BRSK2: variants seen among roughly 807,000 people sequenced by gnomAD.
BRSK2 encodes the protein serine/threonine-protein kinase BRSK2.
Under a neutral mutation model 83.3 loss-of-function variants are expected in BRSK2, and 19 were observed. The observed-to-expected ratio is 0.23, with a 90% CI of 0.16 to 0.33. The LOEUF is 0.33. BRSK2 is among the 10% of genes least tolerant of loss of function. BRSK2 has a pLI of 1.00. For synonymous variants in BRSK2, 519 were observed against 435.4 expected (o/e 1.19, Z -2.39); for missense variants, 798 against 1,042.3 (o/e 0.77, Z 3.23).
At position 1,462,572 on chromosome 11, in the gene BRSK2, T is replaced by C. The variant is rs1847618210; in HGVS notation, c.*1849T>C. The C allele has an allele frequency of 6.6e-6, 1 of 152,238 alleles. No homozygotes were observed. 9.4% of individuals were successfully genotyped at this position (152,238 alleles called of 1,614,324 possible). ...TCTTGCTTGCCTTCCCCTTTTGTGCTTCGGACACACGCGGACTCCAGCAGG... is the reference window on the plus strand; with the variant it reads ...TCTTGCTTGCCTTCCCCTTTTGTGCCTCGGACACACGCGGACTCCAGCAGG... On this transcript the variant is annotated 3_prime_UTR_variant, in exon 20 of 20. Transcript: ENST00000528841.
At chr11:1,418,356 T>G (rs867661562) in intron 1 of BRSK2, among the ~76,000 whole-genome samples, 43 of 140,494 alleles carry the variant, frequency 3.1e-4, no homozygotes, top group African/African-American at 5.4e-4. Flanking sequence ...GCTTCTGTTG[T>G]CTGTTTCTTC....
intron 4 of BRSK2, among the ~76,000 whole-genome samples, 195 bp downstream of exon 4, chr11:1,441,123 T>A (rs982819977): frequency 2.7e-5 from 1 of 37,434 alleles, no homozygotes; most frequent in Non-Finnish European, 4.8e-5. Context: ...CACTGTCCCC[T>A]CCATTAGCTA....
Position 1,390,645 on chromosome 11 carries a change from G to T in BRSK2, c.91+270G>T, listed in dbSNP as rs1228758087. Among the ~76,000 whole-genome samples, 1 of 147,684 alleles carries T rather than the reference G, an allele frequency of 6.8e-6. No individual in the cohort carries two copies. The highest frequency in any genetic ancestry group is 1.5e-5 in the Non-Finnish European group (1 of 66,358). ...GCAGGCGGACAGGGGCGCACGGGAC[G>T]GCGCCCCTCGGGCCCCGCTGCAGGT... On this transcript the variant is annotated intron_variant, in intron 1 of 19. Transcript: ENST00000528841. The surrounding 1 kb of genome is among the most constrained non-coding windows in gnomAD (Gnocchi z 6.8).
chr11:1,443,609 G>A lies in BRSK2; in HGVS notation c.754G>A (p.Glu252Lys), dbSNP rs1375121848. Residue 252 changes from glutamate to lysine, a missense_variant, in exon 8 of 20, where the codon GAG (glutamate) becomes AAG (lysine). Physicochemically the swap from Glu to Lys is moderately conservative, Grantham distance 56 (BLOSUM62 1). This residue lies in a region of BRSK2 where 145 missense variants were observed against 225.4 expected (regional missense o/e 0.64). Transcript: ENST00000528841. Reference sequence around the variant, plus strand: ...CCAGAGTCTGCTACGGGGCATGATCGAGGTGGACGCCGCACGCCGCCTCAC... The same window carrying A: ...CCAGAGTCTGCTACGGGGCATGATCAAGGTGGACGCCGCACGCCGCCTCAC... ...DCQSLLRGMI[E>K]VDAARRLTLE... is the part of the protein sequence containing the mutation. 5 of 1,605,734 alleles carry A rather than the reference G, an allele frequency of 3.1e-6. No homozygotes were observed. Among genetic ancestry groups the A allele is most frequent in the Non-Finnish European group, 4.3e-6 (5 of 1,176,116 alleles).
chr11:1,419,674 G>A (rs992486200), intron 1 of BRSK2, among the ~76,000 whole-genome samples: 12 of 152,200 alleles, frequency 7.9e-5, no homozygotes, highest in African/African-American at 2.4e-4. Flanking sequence ...ACTTTGGGGG[G>A]CCATGGCGGG....
chr11:1,438,451 G>T lies in BRSK2; in HGVS notation c.272+60G>T. The stretch of plus-strand genomic sequence containing the variant: ...GGAGGTGGCAGCTGTCGCTGCAGGG[G>T]TGGGTGTCTGGGGCTTGGGGAGCAC... On this transcript the variant is annotated intron_variant, in intron 3 of 19. Coordinates refer to ENST00000528841, the MANE Select transcript of BRSK2 (RefSeq NM_001256627.2). The surrounding 1 kb of genome is among the most constrained non-coding windows in gnomAD (Gnocchi z 6.4). The T allele has an allele frequency of 1.3e-6, 2 of 1,514,530 alleles. No individual in the cohort carries two copies. Among genetic ancestry groups the T allele is most frequent in the Non-Finnish European group, 9.2e-7 (1 of 1,092,094 alleles). The allele number at this position is 1,514,530 out of a possible 1,614,324, so 93.8% of individuals were successfully genotyped here. A position where few individuals can be genotyped will look rare whatever the true frequency, so the allele number is the denominator to read the frequency against.
chr11:1,410,526 G>A, intron 1 of BRSK2: 2 of 985,498 alleles, frequency 2.0e-6, no homozygotes, highest in African/African-American at 3.5e-5. Context: ...GTGCTTCAAA[G>A]GCCTCACTGC....
intron 1 of BRSK2, among the ~76,000 whole-genome samples, chr11:1,434,974 G>A (rs1172468472): frequency 6.6e-6 from 1 of 151,866 alleles, no homozygotes; most frequent in Non-Finnish European, 1.5e-5. Flanking sequence ...TGTGAAAAGA[G>A]TGGGGAGAGG....
At chr11:1,451,960 G>C (rs1254804349) in intron 15 of BRSK2, among the ~76,000 whole-genome samples, 4 of 152,060 alleles carry the variant, frequency 2.6e-5, no homozygotes, top group African/African-American at 9.7e-5. Context: ...GATGTCCCCA[G>C]AGAGACCCCT....
At chr11:1,440,647 C>T in intron 3 of BRSK2, 141 bp from the exon 4 acceptor site, 1 of 1,111,664 alleles carries the variant, frequency 9.0e-7, no homozygotes, top group East Asian at 2.9e-5. Context: ...CAGGGCTCCT[C>T]TCAGCTGCCC....
chr11:1,435,052 A>G (rs990191698), intron 1 of BRSK2, among the ~76,000 whole-genome samples: 2 of 151,570 alleles, frequency 1.3e-5, no homozygotes, highest in Non-Finnish European at 2.9e-5. Context: ...GCACATTCCC[A>G]GAGCACCCTG....
chr11:1,439,677 G>A (rs1850883839), intron 3 of BRSK2, among the ~76,000 whole-genome samples: 1 of 151,996 alleles, frequency 6.6e-6, no homozygotes, highest in African/African-American at 2.4e-5. Flanking sequence ...ACACCATGTG[G>A]CCTATGCTGA....
intron 1 of BRSK2, among the ~76,000 whole-genome samples, chr11:1,408,666 G>T (rs1385068674): frequency 6.6e-6 from 1 of 152,200 alleles, no homozygotes; most frequent in Admixed American, 6.5e-5. Flanking sequence ...AACCCTCCCC[G>T]CTGGTCCTTA....
At chr11:1,446,195 C>T (rs138778730) in intron 12 of BRSK2, among the ~76,000 whole-genome samples, 2 of 134,588 alleles carry the variant, frequency 1.5e-5, no homozygotes, top group Admixed American at 1.6e-4. Context: ...CTAGTTTGGG[C>T]TGGGCTAGAC....
Position 1,454,307 on chromosome 11 carries a change from T to C in BRSK2, c.1545-178T>C. On this transcript the variant is annotated intron_variant, in intron 15 of 19. Transcript: ENST00000528841. This position sits in a 1 kb window ranked among gnomAD's most constrained non-coding sequence, Gnocchi z 5.2. ...GAGCCACGGTGATGGTCAGGGCATA[T>C]GGGCTAGGGTTAGGGCGTTGGGGTC... The C allele has an allele frequency of 2.9e-6, 2 of 685,828 alleles. No homozygotes were observed. The highest frequency in any genetic ancestry group is 3.5e-5 in the South Asian group (2 of 56,902). The allele number at this position is 685,828 out of a possible 1,614,324, so 42.5% of individuals were successfully genotyped here.
Position 1,456,633 on chromosome 11 carries a change from A to T in BRSK2, c.1885A>T (p.Ile629Phe). Residue 629 changes from isoleucine to phenylalanine, a missense_variant, in exon 18 of 20, where the codon ATC (isoleucine) becomes TTC (phenylalanine). Transcript: ENST00000528841. Reference protein sequence around the residue: ...SRRFKRVVETIQAQLLSTHDP... With the variant: ...SRRFKRVVETFQAQLLSTHDP... The stretch of plus-strand genomic sequence containing the variant: ...TCGCTTCAAGAGGGTGGTGGAGACC[A>T]TCCAGGCCCAGCTGCTGAGCACACA... The T allele has an allele frequency of 1.2e-6, 2 of 1,611,126 alleles. No individual in the cohort carries two copies. Among genetic ancestry groups the T allele is most frequent in the South Asian group, 2.2e-5 (2 of 90,636 alleles).
chr11:1,452,814 G>C (rs1212384578), intron 15 of BRSK2, among the ~76,000 whole-genome samples: 1 of 152,250 alleles, frequency 6.6e-6, no homozygotes, highest in Non-Finnish European at 1.5e-5. Flanking sequence ...CCTTGGACGA[G>C]GGTCCAGCAC....
chr11:1,405,993 C>G (rs1197753234), intron 1 of BRSK2, among the ~76,000 whole-genome samples: 1 of 152,142 alleles, frequency 6.6e-6, no homozygotes, highest in Non-Finnish European at 1.5e-5. Context: ...CCCACAGGCT[C>G]CTAAACCCAC....
chr11:1,435,100 C>T (rs780508811), intron 1 of BRSK2, among the ~76,000 whole-genome samples: 85 of 151,192 alleles, frequency 5.6e-4, no homozygotes, highest in Non-Finnish European at 1.1e-3. Context: ...AAGGGGCTGC[C>T]GGGCCGTGGA....
Sources: allele counts gnomAD v4.1 joint callset (sites outside exome capture counted in the v4.1 genomes callset), GRCh38; gene constraint gnomAD v4.1.1; regional missense constraint gnomAD v4.1.1; non-coding constraint Gnocchi (gnomAD v3.1); transcripts MANE v1.5; gene names NCBI Gene and HGNC (gene_info 2026-07-23, HGNC 2026-07-21).